Variants in APPL1 observed in about 807,000 individuals in gnomAD.
APPL1 encodes the protein adaptor protein, phosphotyrosine interacting with PH domain and leucine zipper 1, also known as DCC-interacting protein 13-alpha.
APPL1 carries 42 observed loss-of-function variants against 106.8 expected under a neutral mutation model. The observed-to-expected ratio is 0.39, with a 90% CI of 0.31 to 0.51. APPL1 has a LOEUF of 0.51. Ranked by LOEUF, APPL1 falls within the 20% of genes least tolerant of loss-of-function variation. The pLI is 0.75. For missense variants in APPL1, 769 were observed against 858.2 expected, an observed-to-expected ratio of 0.90 and a Z score of 1.30; for synonymous variants, 263 against 281.8, an observed-to-expected ratio of 0.93 and a Z score of 0.67.
Position 57,269,756 on chromosome 3 carries a change from C to T in APPL1, c.*69C>T. 1 of 1,520,956 alleles carries T rather than the reference C, an allele frequency of 6.6e-7. No homozygotes were observed. Among genetic ancestry groups the T allele is most frequent in the Non-Finnish European group, 9.1e-7 (1 of 1,104,856 alleles). 94.2% of individuals were successfully genotyped at this position (1,520,956 alleles called of 1,614,324 possible). A position where few individuals can be genotyped will look rare whatever the true frequency, so the allele number is the denominator to read the frequency against. ...TCTATGGTGAAATGGCAGAAGGTAA[C>T]AACTATGTTGAAATATCAAGGAGGA... On this transcript the variant is annotated 3_prime_UTR_variant, in exon 22 of 22. Coordinates refer to ENST00000288266, the MANE Select transcript of APPL1 (RefSeq NM_012096.3).
At chr3:57,238,347 A>T (rs1050706092) in intron 4 of APPL1, 7 of 430,456 alleles carry the variant, frequency 1.6e-5, no homozygotes, top group Non-Finnish European at 2.9e-5. Context: ...CCGTGCTAAC[A>T]TTCAGTCTTG....
At chr3:57,232,926 C>T (rs1014823562) in intron 1 of APPL1, among the ~76,000 whole-genome samples, 11 of 151,940 alleles carry the variant, frequency 7.2e-5, no homozygotes, top group Admixed American at 2.6e-4. Flanking sequence ...GGCATGAATC[C>T]GGGAGGCGGA....
At chr3:57,259,520 T>C (rs2060854362) in intron 16 of APPL1, among the ~76,000 whole-genome samples, 1 of 152,118 alleles carries the variant, frequency 6.6e-6, no homozygotes. Context: ...GGTCTCGAAC[T>C]CCTGGGCTCA....
At chr3:57,268,221 C>T in intron 20 of APPL1, 177 bp from the exon 21 acceptor site, 1 of 612,518 alleles carries the variant, frequency 1.6e-6, no homozygotes, top group Non-Finnish European at 2.7e-6. Flanking sequence ...ATACTATTAC[C>T]AACATAGCAT....
chr3:57,244,603 C>A (rs774857245), intron 7 of APPL1, among the ~76,000 whole-genome samples: 2 of 152,116 alleles, frequency 1.3e-5, no homozygotes, highest in Admixed American at 6.6e-5. Flanking sequence ...ATTAAGAGTA[C>A]TCTGTGACAA....
Position 57,260,020 on chromosome 3 carries a change from G to T in APPL1, c.1658+1G>T. ...TATTAGTCACTTGTGACTGTTTAAA[G>T]TAAGTAAAACCCTCCCTTAAAAAAC... On this transcript the variant is annotated splice_donor_variant, in intron 17 of 21. Coordinates refer to ENST00000288266, the MANE Select transcript of APPL1 (RefSeq NM_012096.3). LOFTEE classifies it high-confidence loss of function. 6.2e-7 allele frequency: 1 copy of T among 1,612,628 alleles called. No homozygotes were observed. The highest frequency in any genetic ancestry group is 8.5e-7 in the Non-Finnish European group (1 of 1,179,674).
Position 57,248,359 on chromosome 3 carries a change from A to C in APPL1, c.863+8A>C. On this transcript the variant is annotated splice_region_variant and intron_variant, in intron 10 of 21. Transcript: ENST00000288266. Reference sequence around the variant, plus strand: ...ATACCTTAATGCTAGGAAGTAAGAAAACTATTGTTATTTTTGTATATTGTG... The same window carrying C: ...ATACCTTAATGCTAGGAAGTAAGAACACTATTGTTATTTTTGTATATTGTG... The C allele has an allele frequency of 6.2e-7, 1 of 1,612,322 alleles. No individual in the cohort carries two copies. The highest frequency in any genetic ancestry group is 8.5e-7 in the Non-Finnish European group (1 of 1,179,188).
intron 21 of APPL1, 152 bp downstream of exon 21, chr3:57,268,639 T>TCA: frequency 1.2e-6 from 1 of 800,170 alleles, no homozygotes; most frequent in Non-Finnish European, 1.8e-6. Context: ...CAGAAAAGGG[T>TCA]CACATCTGTT....
At chr3:57,266,078 G>A (rs190480680) in intron 19 of APPL1, among the ~76,000 whole-genome samples, 114 of 152,276 alleles carry the variant, frequency 7.5e-4, no homozygotes, top group Non-Finnish European at 9.3e-4. Flanking sequence ...TTTTTAATGT[G>A]TTGTTGAATT....
intron 6 of APPL1, 111 bp downstream of exon 6, chr3:57,242,253 G>T: frequency 1.3e-6 from 1 of 795,810 alleles, no homozygotes; most frequent in Non-Finnish European, 2.0e-6. Context: ...TTAAAAATAA[G>T]TGAACATTAC....
Position 57,242,109 on chromosome 3 carries a change from A to G in APPL1, c.382A>G (p.Thr128Ala), listed in dbSNP as rs535628145. The change falls in exon 6 of 22, where the codon ACA becomes GCA. Residue 128 changes from threonine (T) to alanine (A), a missense_variant. Thr to Ala is a moderately conservative substitution (Grantham distance 58, BLOSUM62 0). Coordinates refer to ENST00000288266, the MANE Select transcript of APPL1 (RefSeq NM_012096.3). ...TTCTTGAACTTTTTCAGAAATACTA[A>G]CATTAAAGGAAGTATTTCAGATTGC... ...FKERDLKEIL[T>A]LKEVFQIASN... is the part of the protein sequence containing the mutation. 3.1e-6 allele frequency: 5 copies of G among 1,590,118 alleles called. No homozygotes were observed. The South Asian group carries it at 4.6e-5, about 15-fold the overall frequency.
rs371500847 is a variant in APPL1 at position 57,238,107 on chromosome 3, T to C, written c.276T>C (p.Val92=). 8 of 1,609,330 alleles carry C rather than the reference T, an allele frequency of 5.0e-6. No homozygotes were observed. Among genetic ancestry groups the C allele is most frequent in the Non-Finnish European group, 5.9e-6 (7 of 1,177,838 alleles). The change falls in exon 4 of 22, where the codon GTT becomes GTC. Residue 92 remains valine (V), a synonymous_variant. Coordinates refer to ENST00000288266, the MANE Select transcript of APPL1 (RefSeq NM_012096.3). ...MSSTLQQFSK[V]IDELSSCHAV... ...CTACATTGCAACAGTTTTCAAAAGT[T>C]ATAGATGAGGTAAACGTTTATTTTA...
intron 19 of APPL1, among the ~76,000 whole-genome samples, chr3:57,263,438 C>T (rs1229617283): frequency 6.6e-6 from 1 of 150,990 alleles, no homozygotes; most frequent in Non-Finnish European, 1.5e-5. Flanking sequence ...GGTAACCACC[C>T]TTCTGTTCTC....
chr3:57,257,659 T>A (rs2060844575), intron 15 of APPL1, among the ~76,000 whole-genome samples: 1 of 152,220 alleles, frequency 6.6e-6, no homozygotes, highest in Non-Finnish European at 1.5e-5. Context: ...AATTCTGTAT[T>A]GCTTATTAGG....
intron 4 of APPL1, among the ~76,000 whole-genome samples, chr3:57,238,360 A>C (rs2060727419): frequency 6.6e-6 from 1 of 151,988 alleles, no homozygotes; most frequent in African/African-American, 2.4e-5. Context: ...CAGTCTTGAC[A>C]TGTGTCATTT....
rs1215189090 is a variant in APPL1, at chr3:57,248,153, A to C, written c.705-40A>C. 4 of 1,572,612 alleles carry C rather than the reference A, an allele frequency of 2.5e-6. No individual in the cohort carries two copies. The Admixed American group carries it at 7.2e-5, about 28-fold the overall frequency. On this transcript the variant is annotated intron_variant, in intron 9 of 21. Transcript: ENST00000288266. ...AAACATGATTGGTAAGGAGTTCTTT[A>C]TTGGTTGTGATTTGTAGCAAATAAT...
intron 18 of APPL1, 175 bp from the exon 19 acceptor site, chr3:57,260,450 CTTG>C (rs1390884293): frequency 1.7e-6 from 1 of 575,218 alleles, no homozygotes; most frequent in African/African-American, 2.0e-5. Flanking sequence ...CCTTTTTCTG[CTTG>C]TTAATTCAAA....
intron 8 of APPL1, among the ~76,000 whole-genome samples, chr3:57,246,440 A>C (rs2060774400): frequency 6.6e-6 from 1 of 152,210 alleles, no homozygotes; most frequent in South Asian, 2.1e-4. Context: ...ATTTTAGGTA[A>C]ATGAAACCAC....
chr3:57,231,722 C>G (rs924980182), intron 1 of APPL1, among the ~76,000 whole-genome samples: 1 of 150,506 alleles, frequency 6.6e-6, no homozygotes, highest in Non-Finnish European at 1.5e-5. Context: ...GCAGGAGGAT[C>G]GATTGAGTCC....
Sources: allele counts gnomAD v4.1 joint callset (sites outside exome capture counted in the v4.1 genomes callset), GRCh38; gene constraint gnomAD v4.1.1; transcripts MANE v1.5; gene names NCBI Gene and HGNC (gene_info 2026-07-23, HGNC 2026-07-21).